Variants in ZFPM2 observed in about 807,000 individuals in gnomAD.
ZFPM2 encodes zinc finger protein, FOG family member 2.
ZFPM2 carries 20 observed loss-of-function variants against 98.6 expected under a neutral mutation model. The observed-to-expected ratio is 0.20, with a 90% CI of 0.14 to 0.29. The LOEUF (loss-of-function observed/expected upper bound fraction) is 0.29. Ranked by LOEUF, ZFPM2 falls within the 10% of genes least tolerant of loss-of-function variation. The probability of loss-of-function intolerance (pLI) is 1.00; values close to 1 mark genes in which losing one functional copy is unlikely to be tolerated. For missense variants in ZFPM2, 1,310 were observed against 1,388.6 expected, an observed-to-expected ratio of 0.94 and a Z score of 0.90; for synonymous variants, 518 against 502.7, an observed-to-expected ratio of 1.03 and a Z score of -0.41.
At chr8:105,348,926 A>G (rs1410004833) in intron 1 of ZFPM2, among the ~76,000 whole-genome samples, 2 of 152,180 alleles carry the variant, frequency 1.3e-5, no homozygotes, top group African/African-American at 2.4e-5. Context: ...TATGATCAGC[A>G]TAGATAATGG....
Position 105,380,697 on chromosome 8 carries a change from C to CATATATGTTATATATATATT in ZFPM2, c.41-38441_41-38440insGTTATATATATATTATATAT, listed in dbSNP as rs1810845115. ...TATATTATATATATATTATATATAA[C>CATATATGTTATATATATATT]ATATATAATATATATATATATTATA... is the stretch of plus-strand genomic sequence containing the variant. On this transcript the variant is annotated intron_variant, in intron 1 of 7. Transcript: ENST00000407775. Among the ~76,000 whole-genome samples the CATATATGTTATATATATATT allele has an allele frequency of 6.0e-4, 6 of 10,034 alleles. 1 individual carries two copies. The highest frequency in any genetic ancestry group is 3.1e-3 in the South Asian group (1 of 318). 6.6% of individuals were successfully genotyped at this position (10,034 alleles called of 152,430 possible). A position where few individuals can be genotyped will look rare whatever the true frequency, so the allele number is the denominator to read the frequency against.
intron 3 of ZFPM2, among the ~76,000 whole-genome samples, chr8:105,448,081 C>T (rs1812411496): frequency 6.6e-6 from 1 of 151,984 alleles, no homozygotes; most frequent in African/African-American, 2.4e-5. Flanking sequence ...TCCTATGAAT[C>T]TTTCATGGTT....
chr8:105,358,309 A>G (rs948015095), intron 1 of ZFPM2, among the ~76,000 whole-genome samples: 1 of 150,884 alleles, frequency 6.6e-6, no homozygotes, highest in African/African-American at 2.4e-5. Context: ...GCTGGAGTGC[A>G]GTGGCATGAT....
chr8:105,790,800 G>A (rs369273181), intron 6 of ZFPM2, among the ~76,000 whole-genome samples: 1 of 152,108 alleles, frequency 6.6e-6, no homozygotes, highest in South Asian at 2.1e-4. Context: ...TCCTTGAAGA[G>A]GTCCTTCACA....
chr8:105,659,912 C>T (rs1817355116), intron 5 of ZFPM2, among the ~76,000 whole-genome samples: 1 of 152,118 alleles, frequency 6.6e-6, no homozygotes. Context: ...TTTCTTGAAA[C>T]TCTTCATAAA....
chr8:105,793,720 C>A (rs1324511424), intron 6 of ZFPM2, among the ~76,000 whole-genome samples: 1 of 152,152 alleles, frequency 6.6e-6, no homozygotes, highest in African/African-American at 2.4e-5. Flanking sequence ...CTTTCAGATA[C>A]ACCAATCAGA....
At chr8:105,524,055 A>G (rs907213223) in intron 3 of ZFPM2, among the ~76,000 whole-genome samples, 13 of 152,194 alleles carry the variant, frequency 8.5e-5, no homozygotes, top group Non-Finnish European at 1.9e-4. Flanking sequence ...CAAGTAATAT[A>G]TGAAAATACT....
chr8:105,483,451 G>T (rs1476485999), intron 3 of ZFPM2, among the ~76,000 whole-genome samples: 8 of 151,712 alleles, frequency 5.3e-5, no homozygotes, highest in Non-Finnish European at 1.2e-4. Flanking sequence ...TTAGCTGGGT[G>T]TGGTGGCAGG....
chr8:105,608,575 CAA>C (rs998525754), intron 4 of ZFPM2, among the ~76,000 whole-genome samples: 42 of 135,254 alleles, frequency 3.1e-4, no homozygotes, highest in African/African-American at 1.1e-3. Flanking sequence ...TAGAGAACAC[CAA>C]GAGTTTTTTT....
At chr8:105,676,726 A>C (rs1240449732) in intron 5 of ZFPM2, among the ~76,000 whole-genome samples, 1 of 152,006 alleles carries the variant, frequency 6.6e-6, no homozygotes, top group Non-Finnish European at 1.5e-5. Flanking sequence ...AAAGAGAATA[A>C]ATTTAATAAA....
In ZFPM2 at chr8:105,342,429, C is replaced by T. The variant is rs1255273195; in HGVS notation, c.40+23448C>T. On this transcript the variant is annotated intron_variant, in intron 1 of 7. Transcript: ENST00000407775. ...CTCTTGATGGAAGGGCACAACTGAGCACAAACTGGGTAATTTGAAATAAAA... is the reference window on the plus strand; with the variant it reads ...CTCTTGATGGAAGGGCACAACTGAGTACAAACTGGGTAATTTGAAATAAAA... 2.0e-5 allele frequency among the ~76,000 whole-genome samples: 3 copies of T among 151,932 alleles called. No homozygotes were observed. In the East Asian group the frequency reaches 5.8e-4, roughly 29 times the overall value.
intron 5 of ZFPM2, among the ~76,000 whole-genome samples, chr8:105,766,250 G>A (rs1196519283): frequency 6.6e-6 from 1 of 151,884 alleles, no homozygotes; most frequent in African/African-American, 2.4e-5. Flanking sequence ...AGAAATCGAA[G>A]CTTTCCAACC....
At chr8:105,633,456 T>C (rs1816789196) in intron 4 of ZFPM2, among the ~76,000 whole-genome samples, 1 of 152,182 alleles carries the variant, frequency 6.6e-6, no homozygotes. Context: ...GCCATGTAAA[T>C]TTATCCACGG....
chr8:105,443,916 A>C (rs1162267196), intron 2 of ZFPM2, among the ~76,000 whole-genome samples: 1 of 152,194 alleles, frequency 6.6e-6, no homozygotes, highest in Non-Finnish European at 1.5e-5. Flanking sequence ...TTGTCTTTAG[A>C]AAAGTTATAA....
At chr8:105,553,367 T>C (rs1814908114) in intron 3 of ZFPM2, among the ~76,000 whole-genome samples, 1 of 152,212 alleles carries the variant, frequency 6.6e-6, no homozygotes, top group East Asian at 1.9e-4. Flanking sequence ...TTGCTTCTTA[T>C]ATGATGCTGT....
At chr8:105,616,654 T>C in intron 4 of ZFPM2, 1 of 365,560 alleles carries the variant, frequency 2.7e-6, no homozygotes, top group Non-Finnish European at 5.4e-6. Flanking sequence ...AACAGGTTCA[T>C]ATGGTATAAC....
chr8:105,380,766 A>T (rs13271350), intron 1 of ZFPM2, among the ~76,000 whole-genome samples: 3 of 34,996 alleles, frequency 8.6e-5, no homozygotes, highest in African/African-American at 5.2e-4. Flanking sequence ...TAACATATAT[A>T]ATATATACAC....
At position 105,753,893 on chromosome 8, in the gene ZFPM2, G is replaced by A. The variant is rs1812531289; in HGVS notation, c.533-34825G>A. ...GATTGAATTTTGTACTGCTGTTTCA[G>A]CAAGTGTGTGCACTCAGTATGGTCC... On this transcript the variant is annotated intron_variant, in intron 5 of 7. Coordinates refer to ENST00000407775, the MANE Select transcript of ZFPM2 (RefSeq NM_012082.4). Among the ~76,000 whole-genome samples the A allele has an allele frequency of 2.6e-5, 4 of 152,232 alleles. No homozygotes were observed. In the South Asian group the frequency reaches 8.3e-4, roughly 32 times the overall value.
intron 1 of ZFPM2, among the ~76,000 whole-genome samples, chr8:105,342,721 A>G (rs1812452316): frequency 6.6e-6 from 1 of 152,052 alleles, no homozygotes; most frequent in Non-Finnish European, 1.5e-5. Context: ...AAAAGAAAAA[A>G]TAAAACTTGC....
Sources: gnomAD v4.1 joint callset for allele counts (sites outside exome capture counted in the v4.1 genomes callset) on GRCh38, gnomAD v4.1.1 for gene constraint, MANE v1.5 for transcripts, NCBI Gene and HGNC (gene_info 2026-07-23, HGNC 2026-07-21) for gene names.